Variants in BPHL observed in about 807,000 individuals in gnomAD.
BPHL encodes serine hydrolase BPHL.
BPHL carries 27 observed loss-of-function variants against 31.2 expected under a neutral mutation model. The ratio of observed to expected loss-of-function variants is 0.87; its 90% CI spans 0.64 to 1.19. BPHL has a LOEUF of 1.19. Among genes scored for constraint, BPHL ranks in the 50% most tolerant of loss-of-function variants. BPHL has a pLI of 0.00. For missense variants in BPHL, 356 were observed against 375.7 expected, an observed-to-expected ratio of 0.95 and a Z score of 0.43; for synonymous variants, 150 against 146.8, an observed-to-expected ratio of 1.02 and a Z score of -0.16.
At chr6:3,118,951 G>A (rs562048456) in intron 1 of BPHL, 104 bp downstream of exon 1, 2 of 979,710 alleles carry the variant, frequency 2.0e-6, no homozygotes, top group African/African-American at 3.4e-5. Context: ...CGCGGGCACG[G>A]GGCGTGGGCG....
In BPHL at chr6:3,140,878, G is replaced by A. The variant is rs965134687; in HGVS notation, c.788+369G>A. Among the ~76,000 whole-genome samples, 4 of 152,116 alleles carry A rather than the reference G, an allele frequency of 2.6e-5. No individual in the cohort carries two copies. The highest frequency in any genetic ancestry group is 9.7e-5 in the African/African-American group (4 of 41,410). On this transcript the variant is annotated intron_variant, in intron 6 of 6. Coordinates refer to ENST00000380379, the MANE Select transcript of BPHL (RefSeq NM_004332.4). This position sits in a 1 kb window ranked among gnomAD's most constrained non-coding sequence, Gnocchi z 5.2. ...AGTTTAGTTTTTTATCATTATAAAA[G>A]CACTGACCACCCAATTTAAAAAAAT...
chr6:3,144,036 T>C (rs1445963054), intron 6 of BPHL, among the ~76,000 whole-genome samples: 1 of 152,252 alleles, frequency 6.6e-6, no homozygotes, highest in Non-Finnish European at 1.5e-5. Flanking sequence ...CGCTCACCTA[T>C]CTGAGGTCAT....
intron 1 of BPHL, chr6:3,119,646 A>G: frequency 8.3e-7 from 1 of 1,211,508 alleles, no homozygotes; most frequent in Non-Finnish European, 1.2e-6. Flanking sequence ...TTCTCTACAT[A>G]CATCCCTACA....
At chr6:3,152,051 G>C (rs727261) in intron 6 of BPHL, among the ~76,000 whole-genome samples, 12,853 of 152,164 alleles carry the variant, frequency 0.084, 790 homozygotes, top group African/African-American at 0.17. Context: ...ACATCAACAC[G>C]CCAAGAAACT....
At chr6:3,134,258 T>G in intron 4 of BPHL, among the ~76,000 whole-genome samples, 1 of 152,028 alleles carries the variant, frequency 6.6e-6, no homozygotes, top group East Asian at 1.9e-4. Context: ...ACCAGAACAG[T>G]TTCAATGTTA....
intron 4 of BPHL, among the ~76,000 whole-genome samples, chr6:3,135,217 T>C (rs991155978): frequency 2.0e-5 from 3 of 152,256 alleles, no homozygotes; most frequent in African/African-American, 4.8e-5. Flanking sequence ...AGCCTGTTAA[T>C]GGTCAACTCA....
intron 1 of BPHL, chr6:3,119,573 C>A (rs1331209614): frequency 1.9e-6 from 3 of 1,601,232 alleles, no homozygotes; most frequent in Non-Finnish European, 2.6e-6. Context: ...AATGGATACT[C>A]TTGGTCCCAA....
intron 1 of BPHL, 101 bp downstream of exon 1, chr6:3,118,948 A>G: frequency 7.9e-6 from 8 of 1,014,534 alleles, no homozygotes; most frequent in Non-Finnish European, 1.0e-5. Context: ...GCGCGCGGGC[A>G]CGGGGCGTGG....
intron 4 of BPHL, among the ~76,000 whole-genome samples, chr6:3,132,683 G>C (rs543099509): frequency 1.3e-5 from 2 of 152,048 alleles, no homozygotes; most frequent in South Asian, 2.1e-4. Flanking sequence ...AATACAAAAC[G>C]TAGTCAGGTG....
At chr6:3,150,952 A>G (rs1442848811) in intron 6 of BPHL, among the ~76,000 whole-genome samples, 13 of 152,226 alleles carry the variant, frequency 8.5e-5, no homozygotes, top group African/African-American at 2.7e-4. Context: ...AGGGAACCTC[A>G]TTTTTATTTC....
chr6:3,138,398 G>T, intron 5 of BPHL: 1 of 160,664 alleles, frequency 6.2e-6, no homozygotes, highest in Non-Finnish European at 1.4e-5. Context: ...CTGAATTATA[G>T]TTTATTTTCA....
chr6:3,119,378 T>C, intron 1 of BPHL: 1 of 1,590,318 alleles, frequency 6.3e-7, no homozygotes, highest in Non-Finnish European at 8.6e-7. Flanking sequence ...TACCTTAATG[T>C]GCAAAAGAAT....
At chr6:3,123,635 G>C in intron 1 of BPHL, 22 bp from the exon 2 acceptor site, 1 of 1,601,332 alleles carries the variant, frequency 6.2e-7, no homozygotes, top group Non-Finnish European at 8.5e-7. Flanking sequence ...CCCCCTGTGG[G>C]GATGTGTTTT....
At position 3,137,387 on chromosome 6, in the gene BPHL, T is replaced by C; in HGVS notation, c.558T>C (p.Ser186=). The C allele has an allele frequency of 6.2e-7, 1 of 1,608,430 alleles. No individual in the cohort carries two copies. Residue 186 remains serine, a synonymous_variant, in exon 5 of 7, where the codon AGT becomes AGC. Transcript: ENST00000380379. ...YEGIRDVSKW[S]ERTRKPLEAL... is the part of the protein sequence containing the mutation. ...GCATCCGAGATGTTTCCAAATGGAGTGAGAGAACAAGAAAGCCTCTAGAAG... is the reference window on the plus strand; with the variant it reads ...GCATCCGAGATGTTTCCAAATGGAGCGAGAGAACAAGAAAGCCTCTAGAAG...
chr6:3,119,431 A>G (rs760102555), intron 1 of BPHL: 2 of 1,611,542 alleles, frequency 1.2e-6, no homozygotes, highest in Admixed American at 1.7e-5. Context: ...CCTCACTCCC[A>G]GAGGATCTGA....
intron 1 of BPHL, among the ~76,000 whole-genome samples, chr6:3,121,423 C>CT (rs1404053811): frequency 6.7e-6 from 1 of 148,624 alleles, no homozygotes; most frequent in Non-Finnish European, 1.5e-5. Flanking sequence ...CCTCAGCCTT[C>CT]TGAGTAGCTG....
At chr6:3,136,147 C>T (rs1044267152) in intron 4 of BPHL, among the ~76,000 whole-genome samples, 3 of 152,220 alleles carry the variant, frequency 2.0e-5, no homozygotes, top group Non-Finnish European at 2.9e-5. Context: ...TCTAGTTATT[C>T]CCCTGCAAGA....
intron 1 of BPHL, among the ~76,000 whole-genome samples, chr6:3,122,337 T>A (rs1250207748): frequency 6.6e-6 from 1 of 152,158 alleles, no homozygotes; most frequent in Non-Finnish European, 1.5e-5. Context: ...TTCATTGTAT[T>A]GGCACTCCAC....
chr6:3,140,325 C>A lies in BPHL; in HGVS notation c.665-61C>A, dbSNP rs762852236. The A allele has an allele frequency of 3.8e-6, 6 of 1,588,042 alleles. No individual in the cohort carries two copies. The highest frequency in any genetic ancestry group is 5.2e-6 in the Non-Finnish European group (6 of 1,163,424). ...AGGGGCAGGGCTCGCCGAGTTTCGC[C>A]TCCTCTGACCGCGTAGAATGGTTGC... On this transcript the variant is annotated intron_variant, in intron 5 of 6. Coordinates refer to ENST00000380379, the MANE Select transcript of BPHL (RefSeq NM_004332.4). This position sits in a 1 kb window ranked among gnomAD's most constrained non-coding sequence, Gnocchi z 5.2.
Sources: gnomAD v4.1 joint callset for allele counts (sites outside exome capture counted in the v4.1 genomes callset) on GRCh38, gnomAD v4.1.1 for gene constraint, Gnocchi (gnomAD v3.1) non-coding constraint, MANE v1.5 for transcripts, NCBI Gene and HGNC (gene_info 2026-07-23, HGNC 2026-07-21) for gene names.